Variants in THRB observed in about 807,000 individuals in gnomAD.
THRB encodes thyroid hormone receptor beta.
In THRB, 12 loss-of-function variants were observed where a neutral mutation model predicts 47.8. The ratio of observed to expected loss-of-function variants is 0.25; its 90% CI spans 0.16 to 0.41. The LOEUF is 0.41. THRB is among the 10% of genes least tolerant of loss of function. The pLI is 1.00. For missense variants in THRB, 348 were observed against 589.2 expected, an observed-to-expected ratio of 0.59 and a Z score of 4.24; for synonymous variants, 218 against 212.2, an observed-to-expected ratio of 1.03 and a Z score of -0.24.
intron 1 of THRB, among the ~76,000 whole-genome samples, chr3:24,426,019 T>C (rs531132862): frequency 3.9e-5 from 6 of 152,050 alleles, no homozygotes; most frequent in South Asian, 4.1e-4. Context: ...GTCCTTACTT[T>C]CTTTACCTGT....
intron 10 of THRB, among the ~76,000 whole-genome samples, 182 bp downstream of exon 10, chr3:24,127,317 A>G (rs558082902): frequency 3.3e-5 from 5 of 152,318 alleles, no homozygotes; most frequent in African/African-American, 9.6e-5. Context: ...TGCAAAAAGC[A>G]TCAGACATCT....
intron 3 of THRB, among the ~76,000 whole-genome samples, chr3:24,249,749 A>G (rs1329149883): frequency 6.7e-6 from 1 of 150,100 alleles, no homozygotes; most frequent in Non-Finnish European, 1.5e-5. Context: ...TCTGCTCTAT[A>G]AGGAGTGGCA....
chr3:24,178,051 C>A (rs1348880153), intron 5 of THRB, among the ~76,000 whole-genome samples: 1 of 152,074 alleles, frequency 6.6e-6, no homozygotes. Flanking sequence ...AAAAATGTCA[C>A]AGGGGACAGA....
chr3:24,418,295 TTGAATAAGC>T (rs1553753309), intron 1 of THRB, among the ~76,000 whole-genome samples: 1 of 151,576 alleles, frequency 6.6e-6, no homozygotes, highest in Non-Finnish European at 1.5e-5. Context: ...TGTTACTTGG[TTGAATAAGC>T]TATGACCATA....
chr3:24,241,079 C>T (rs567284014), intron 3 of THRB, among the ~76,000 whole-genome samples: 14 of 152,214 alleles, frequency 9.2e-5, no homozygotes, highest in Middle Eastern at 3.4e-3. Flanking sequence ...GAATTTGGGA[C>T]GCTCAACTCC....
chr3:24,310,396 C>G (rs551271353), intron 2 of THRB, among the ~76,000 whole-genome samples: 1 of 152,268 alleles, frequency 6.6e-6, no homozygotes, highest in East Asian at 1.9e-4. Flanking sequence ...AATTCAAAAT[C>G]TTTCTTTACA....
intron 3 of THRB, among the ~76,000 whole-genome samples, chr3:24,235,700 C>T (rs973735446): frequency 1.6e-4 from 24 of 152,016 alleles, no homozygotes; most frequent in African/African-American, 5.8e-4. Context: ...TTATTACATA[C>T]CCTAGCCCAA....
intron 3 of THRB, among the ~76,000 whole-genome samples, chr3:24,268,438 A>G (rs1388072043): frequency 6.6e-6 from 1 of 152,226 alleles, no homozygotes; most frequent in Admixed American, 6.5e-5. Context: ...TTCAAGTTGA[A>G]ACAGTAGATT....
intron 2 of THRB, among the ~76,000 whole-genome samples, chr3:24,325,660 C>G (rs2058756672): frequency 6.6e-6 from 1 of 152,150 alleles, no homozygotes; most frequent in Non-Finnish European, 1.5e-5. Context: ...GCACTCCAGC[C>G]TGGGCGACAG....
At chr3:24,344,818 T>C (rs1379356969) in intron 1 of THRB, among the ~76,000 whole-genome samples, 1 of 152,082 alleles carries the variant, frequency 6.6e-6, no homozygotes, top group African/African-American at 2.4e-5. Flanking sequence ...TTTCATTTTT[T>C]AAAAAGTTAG....
rs143234569 is a variant in THRB, at chr3:24,278,440, G to A, written c.-43+18786C>T. On this transcript the variant is annotated intron_variant, in intron 3 of 10. Coordinates refer to ENST00000646209, the MANE Select transcript of THRB (RefSeq NM_001354712.2). ...CTGCAAATGCCTGGCCCAAAAGCAG[G>A]GGTATAGAATATTTGACCTCTAGAG... is the stretch of plus-strand genomic sequence containing the variant. 3.8e-3 allele frequency among the ~76,000 whole-genome samples: 572 copies of A among 152,248 alleles called. 2 individuals carry two copies. The highest frequency in any genetic ancestry group is 5.3e-3 in the Non-Finnish European group (363 of 68,024).
Position 24,483,285 on chromosome 3 carries a change from A to G in THRB, c.-261+11367T>C, listed in dbSNP as rs1396301028. Among the ~76,000 whole-genome samples the G allele has an allele frequency of 2.0e-5, 3 of 152,136 alleles. No individual in the cohort carries two copies. The East Asian group carries it at 5.8e-4, about 29-fold the overall frequency. On this transcript the variant is annotated intron_variant, in intron 1 of 10. Coordinates refer to ENST00000646209, the MANE Select transcript of THRB (RefSeq NM_001354712.2). Reference sequence around the variant, plus strand: ...TTTGGATTAGAAAAGTGTGTGTCCCATTATAGTAAGAAATTATAGAGTAAT... The same window carrying G: ...TTTGGATTAGAAAAGTGTGTGTCCCGTTATAGTAAGAAATTATAGAGTAAT...
chr3:24,221,283 AT>A (rs1191123952), intron 4 of THRB, among the ~76,000 whole-genome samples: 1 of 152,194 alleles, frequency 6.6e-6, no homozygotes, highest in Non-Finnish European at 1.5e-5. Flanking sequence ...TTTTGAAGGG[AT>A]TTGCACCTAT....
rs561329730 is a variant in THRB at position 24,235,250 on chromosome 3, T to C, written c.-42-6249A>G. Among the ~76,000 whole-genome samples, 13 of 152,302 alleles carry C rather than the reference T, an allele frequency of 8.5e-5. No individual in the cohort carries two copies. The South Asian group carries it at 2.5e-3, about 29-fold the overall frequency. On this transcript the variant is annotated intron_variant, in intron 3 of 10. Coordinates refer to ENST00000646209, the MANE Select transcript of THRB (RefSeq NM_001354712.2). ...TCCTTCTTGTAGAACTCCAGCACGC[T>C]TGCCCTGACCACACACCTTTGTCCC...
At chr3:24,207,316 C>G (rs2045493592) in intron 4 of THRB, among the ~76,000 whole-genome samples, 1 of 152,182 alleles carries the variant, frequency 6.6e-6, no homozygotes, top group Non-Finnish European at 1.5e-5. Flanking sequence ...TGGGCTTCAT[C>G]CCTGGGATGC....
chr3:24,461,677 T>C (rs531618581), intron 1 of THRB, among the ~76,000 whole-genome samples: 1 of 152,300 alleles, frequency 6.6e-6, no homozygotes, highest in Admixed American at 6.5e-5. Flanking sequence ...AATGAAATAA[T>C]TGAGGGTTTT....
intron 1 of THRB, among the ~76,000 whole-genome samples, chr3:24,361,783 T>C (rs2064086478): frequency 6.6e-6 from 1 of 152,146 alleles, no homozygotes; most frequent in South Asian, 2.1e-4. Flanking sequence ...GTAAAGGCAC[T>C]GGGGGCTTAC....
intron 1 of THRB, among the ~76,000 whole-genome samples, chr3:24,469,319 A>T (rs2074386748): frequency 6.6e-6 from 1 of 152,188 alleles, no homozygotes; most frequent in Admixed American, 6.5e-5. Context: ...TTCATGAGTT[A>T]TTAATTAATT....
intron 1 of THRB, among the ~76,000 whole-genome samples, chr3:24,422,058 ACTTCAAC>A (rs1264199365): frequency 1.4e-4 from 22 of 152,120 alleles, no homozygotes; most frequent in Non-Finnish European, 8.8e-5. Flanking sequence ...TTGCTTTACT[ACTTCAAC>A]CAACAATGAC....
Sources: gnomAD v4.1 joint callset for allele counts (sites outside exome capture counted in the v4.1 genomes callset) on GRCh38, gnomAD v4.1.1 for gene constraint, MANE v1.5 for transcripts, NCBI Gene and HGNC (gene_info 2026-07-23, HGNC 2026-07-21) for gene names.